The following MYH16 variants were observed in gnomAD, a reference collection of about 807,000 sequenced individuals.
The protein encoded by MYH16 is putative uncharacterized protein MYH16.
At chr7:99,310,133 G>A (rs924255015), downstream of MYH16, among the ~76,000 whole-genome samples, 8 of 152,148 alleles carry the variant, frequency 5.3e-5, no homozygotes, top group Admixed American at 3.9e-4. Context: ...CCAGGCAGAG[G>A]AGAGAAGGGA....
downstream of MYH16, among the ~76,000 whole-genome samples, chr7:99,307,487 G>A (rs1033154421): frequency 6.6e-6 from 1 of 152,098 alleles, no homozygotes; most frequent in Non-Finnish European, 1.5e-5. Context: ...ACTTTCAGAG[G>A]CCAAGGGGGA....
chr7:99,304,058 G>C (rs950868814), intron 39 of MYH16, among the ~76,000 whole-genome samples: 4 of 152,184 alleles, frequency 2.6e-5, no homozygotes, highest in Admixed American at 1.3e-4. Context: ...TTCATCATCA[G>C]GCTCCTCTCA....
chr7:99,277,449 T>C, intron 20 of MYH16, 90 bp from the exon 3 acceptor site: 2 of 379,126 alleles, frequency 5.3e-6, no homozygotes, highest in Non-Finnish European at 1.1e-5. Flanking sequence ...TGCTGTGAGG[T>C]CACGCCTGAG....
At chr7:99,270,348 G>C (rs1398609472) in intron 18 of MYH16, among the ~76,000 whole-genome samples, 2 of 139,920 alleles carry the variant, frequency 1.4e-5, no homozygotes, top group Non-Finnish European at 3.1e-5. Flanking sequence ...TTTTGAGACT[G>C]TCTTGCTCTG....
chr7:99,250,860 G>C (rs1176362299), intron 5 of MYH16, among the ~76,000 whole-genome samples: 2 of 152,174 alleles, frequency 1.3e-5, no homozygotes, highest in African/African-American at 4.8e-5. Context: ...CGTGTCCCCA[G>C]GTGCCCCTCC....
intron 23 of MYH16, among the ~76,000 whole-genome samples, chr7:99,281,553 C>T (rs944505033): frequency 2.0e-5 from 3 of 152,204 alleles, no homozygotes; most frequent in Non-Finnish European, 4.4e-5. Flanking sequence ...CAGCGAGACC[C>T]TGTCTCAAAA....
intron 33 of MYH16, among the ~76,000 whole-genome samples, chr7:99,294,505 A>G (rs1289561667): frequency 6.8e-5 from 9 of 132,076 alleles, no homozygotes; most frequent in Non-Finnish European, 1.4e-4. Flanking sequence ...TGTCTCAAAA[A>G]AAAAAAAAAA....
At chr7:99,308,116 T>TTAAA (rs1043042334), downstream of MYH16, among the ~76,000 whole-genome samples, 1 of 151,766 alleles carries the variant, frequency 6.6e-6, no homozygotes, top group Admixed American at 6.6e-5. Context: ...TAAAGATACC[T>TTAAA]GAAACCCCAA....
At chr7:99,250,961 GCCA>G (rs1001996325) in intron 5 of MYH16, 1 of 152,574 alleles carries the variant, frequency 6.6e-6, no homozygotes, top group African/African-American at 2.4e-5. Context: ...TGATTTTCTG[GCCA>G]CCCCAAGGCC....
At chr7:99,243,163 G>C (rs1246618704) in intron 1 of MYH16, 3 of 152,610 alleles carry the variant, frequency 2.0e-5, no homozygotes, top group African/African-American at 4.8e-5. Flanking sequence ...CAGGACTTGG[G>C]TCCACTGGAT....
At chr7:99,241,465 C>A (rs1791666158) in intron 1 of MYH16, among the ~76,000 whole-genome samples, 1 of 152,142 alleles carries the variant, frequency 6.6e-6, no homozygotes, top group Non-Finnish European at 1.5e-5. Flanking sequence ...CGCCTGTAAT[C>A]CCAGTTACTT....
Position 99,276,198 on chromosome 7 carries a change from C to G in MYH16, n.2486-1341C>G, listed in dbSNP as rs112458152. On this transcript the variant is annotated intron_variant and non_coding_transcript_variant, in intron 20 of 41. Transcript: ENST00000439784. ...GGCAAAGTATGGTGGTTACTGCAAC[C>G]TTTTCATGCCAGCTTTGCCACTGTG... Among the ~76,000 whole-genome samples, 59 of 152,326 alleles carry G rather than the reference C, an allele frequency of 3.9e-4. 1 individual carries two copies. The highest frequency in any genetic ancestry group is 1.4e-3 in the African/African-American group (57 of 41,582).
chr7:99,279,259 T>A (rs1160005823), intron 21 of MYH16, among the ~76,000 whole-genome samples: 1 of 147,174 alleles, frequency 6.8e-6, no homozygotes, highest in Non-Finnish European at 1.5e-5. Context: ...CTTGGGAGGA[T>A]GAGGTGGGAG....
chr7:99,295,998 C>T (rs1407657486), intron 33 of MYH16, among the ~76,000 whole-genome samples: 2 of 151,344 alleles, frequency 1.3e-5, no homozygotes, highest in African/African-American at 2.4e-5. Context: ...AAAAAGTAGC[C>T]GGACGTGGTG....
chr7:99,257,267 A>G (rs1791882719), intron 9 of MYH16: 1 of 153,034 alleles, frequency 6.5e-6, no homozygotes, highest in Non-Finnish European at 1.5e-5. Context: ...ATGAGAGGCC[A>G]GGAGTCACAT....
At chr7:99,279,783 C>A in intron 22 of MYH16, 46 bp downstream of exon 4, 1 of 443,672 alleles carries the variant, frequency 2.3e-6, no homozygotes. Flanking sequence ...AGGCCACCTT[C>A]AGGGGCCATA....
intron 38 of MYH16, among the ~76,000 whole-genome samples, chr7:99,302,359 CACACAT>C (rs1275837078): frequency 6.8e-6 from 1 of 147,446 alleles, no homozygotes; most frequent in African/African-American, 2.6e-5. Flanking sequence ...CACACACACA[CACACAT>C]CCCAACCTGG....
At position 99,249,552 on chromosome 7, in the gene MYH16, A is replaced by G. The variant is rs982447456; in HGVS notation, n.540-427A>G. Among the ~76,000 whole-genome samples the G allele has an allele frequency of 3.6e-4, 55 of 150,884 alleles. 1 individual carries two copies. Among genetic ancestry groups the G allele is most frequent in the Admixed American group, 1.2e-3 (18 of 15,186 alleles). On this transcript the variant is annotated intron_variant and non_coding_transcript_variant, in intron 4 of 41. Transcript: ENST00000439784. Reference sequence around the variant, plus strand: ...AGACCCTCTCTCAAAAAAAAAAAAAAAAAAGAAAAGAAAAGTGCTGTTTTT... The same window carrying G: ...AGACCCTCTCTCAAAAAAAAAAAAAGAAAAGAAAAGAAAAGTGCTGTTTTT...
At chr7:99,282,829 CA>C (rs59018303) in intron 23 of MYH16, among the ~76,000 whole-genome samples, 471 of 140,030 alleles carry the variant, frequency 3.4e-3, no homozygotes, top group Non-Finnish European at 4.9e-3. Flanking sequence ...GATCCTATCT[CA>C]AAAAAAAAAA....
Sources: gnomAD v4.1 joint callset for allele counts (sites outside exome capture counted in the v4.1 genomes callset) on GRCh38, gnomAD v4.1.1 for gene constraint, MANE v1.5 for transcripts, NCBI Gene and HGNC (gene_info 2026-07-23, HGNC 2026-07-21) for gene names.